Variants in HHAT observed in about 807,000 individuals in gnomAD.
HHAT encodes the protein hedgehog acyltransferase.
A neutral mutation model predicts 70.8 loss-of-function variants in HHAT; 47 were observed. That is an observed-to-expected ratio of 0.66 (90% CI 0.53 to 0.85). The LOEUF (loss-of-function observed/expected upper bound fraction) is 0.85. HHAT is among the 40% of genes least tolerant of loss of function. The probability of loss-of-function intolerance (pLI) is 0.00; values close to 1 mark genes in which losing one functional copy is unlikely to be tolerated. For synonymous variants in HHAT, 228 were observed against 247.6 expected (o/e 0.92, Z 0.74); for missense variants, 609 against 604.8 (o/e 1.01, Z -0.07).
Position 210,623,608 on chromosome 1 carries a change from A to G in HHAT, c.1328A>G (p.Asn443Ser), listed in dbSNP as rs759902169. ...SCSTSMLILSNLVFLGGNEVG... is the reference protein window; with the variant it reads ...SCSTSMLILSSLVFLGGNEVG... ...TCCACCTCGATGCTGATCCTGTCCAACCTGGTATTTCTTGGGGGCAATGAG... is the reference window on the plus strand; with the variant it reads ...TCCACCTCGATGCTGATCCTGTCCAGCCTGGTATTTCTTGGGGGCAATGAG... The change falls in exon 11 of 12, where the codon AAC becomes AGC. Residue 443 changes from asparagine (N) to serine (S), a missense_variant. Transcript: ENST00000261458. 3 of 1,613,808 alleles carry G rather than the reference A, an allele frequency of 1.9e-6. No homozygotes were observed. Among genetic ancestry groups the G allele is most frequent in the Non-Finnish European group, 1.7e-6 (2 of 1,179,934 alleles).
intron 11 of HHAT, among the ~76,000 whole-genome samples, chr1:210,641,843 T>C (rs371887725): frequency 7.9e-5 from 12 of 152,220 alleles, no homozygotes; most frequent in African/African-American, 2.9e-4. Flanking sequence ...TCGTAGGCAA[T>C]GCTGCTTCTG....
intron 3 of HHAT, among the ~76,000 whole-genome samples, chr1:210,385,153 T>C (rs1157256982): frequency 1.3e-5 from 2 of 152,028 alleles, no homozygotes; most frequent in East Asian, 1.9e-4. Flanking sequence ...AAAATTAAAC[T>C]TGGAGAAGTT....
At chr1:210,567,983 T>C (rs1655181043) in intron 9 of HHAT, among the ~76,000 whole-genome samples, 1 of 152,232 alleles carries the variant, frequency 6.6e-6, no homozygotes, top group Non-Finnish European at 1.5e-5. Context: ...TTTTTGAATG[T>C]TAAGGAGTTG....
At chr1:210,440,627 T>C (rs3765848) in intron 7 of HHAT, among the ~76,000 whole-genome samples, 6 of 151,702 alleles carry the variant, frequency 4.0e-5, no homozygotes, top group African/African-American at 1.5e-4. Flanking sequence ...TAATAGTGTT[T>C]TGTGGAATTG....
intron 8 of HHAT, among the ~76,000 whole-genome samples, chr1:210,474,524 G>A (rs1030618407): frequency 6.6e-6 from 1 of 152,168 alleles, no homozygotes; most frequent in Admixed American, 6.5e-5. Flanking sequence ...CAGCCTAAGT[G>A]CCTTTATGGT....
At chr1:210,622,119 T>C (rs1668962340) in intron 10 of HHAT, among the ~76,000 whole-genome samples, 1 of 152,222 alleles carries the variant, frequency 6.6e-6, no homozygotes, top group African/African-American at 2.4e-5. Flanking sequence ...AGCCTCTTGC[T>C]GAAGACTCGC....
At chr1:210,640,260 T>A (rs2148910217) in intron 11 of HHAT, among the ~76,000 whole-genome samples, 1 of 152,378 alleles carries the variant, frequency 6.6e-6, no homozygotes, top group South Asian at 2.1e-4. Flanking sequence ...ACAAACTAAC[T>A]TATCCAAATA....
chr1:210,400,472 G>A lies in HHAT; in HGVS notation c.278G>A (p.Arg93Lys). 3 of 1,609,560 alleles carry A rather than the reference G, an allele frequency of 1.9e-6. No homozygotes were observed. The South Asian group carries it at 3.3e-5, about 18-fold the overall frequency. ...QMATLLARKH[R>K]PWILMLYGMW... ...GATGGGCCCCACCATTTGCAGCACA[G>A]ACCCTGGATTCTCATGCTCTATGGG... Residue 93 changes from arginine to lysine, a missense_variant, in exon 5 of 12, where the codon AGA (arginine) becomes AAA (lysine). Transcript: ENST00000261458.
At chr1:210,332,630 T>C (rs535488715) in intron 1 of HHAT, among the ~76,000 whole-genome samples, 7 of 152,370 alleles carry the variant, frequency 4.6e-5, no homozygotes, top group African/African-American at 1.4e-4. Flanking sequence ...CTTCTGTTCT[T>C]TGTGCTTATG....
intron 6 of HHAT, among the ~76,000 whole-genome samples, chr1:210,414,704 A>T (rs1333773356): frequency 1.3e-5 from 2 of 152,092 alleles, no homozygotes; most frequent in Non-Finnish European, 2.9e-5. Context: ...AGATCACATT[A>T]CTTTTTCTCT....
At chr1:210,539,783 T>C (rs1351364676) in intron 9 of HHAT, among the ~76,000 whole-genome samples, 1 of 152,042 alleles carries the variant, frequency 6.6e-6, no homozygotes, top group Non-Finnish European at 1.5e-5. Flanking sequence ...CAGTGCCTTT[T>C]TTGTGCTCAC....
At chr1:210,502,103 G>A (rs536778688) in intron 8 of HHAT, among the ~76,000 whole-genome samples, 195 of 150,556 alleles carry the variant, frequency 1.3e-3, no homozygotes, top group African/African-American at 4.5e-3. Flanking sequence ...AAATCTTTCC[G>A]GCCAGGCACG....
At chr1:210,356,450 G>A (rs1398623640) in intron 2 of HHAT, among the ~76,000 whole-genome samples, 1 of 151,118 alleles carries the variant, frequency 6.6e-6, no homozygotes, top group Non-Finnish European at 1.5e-5. Context: ...ATAAACTCTA[G>A]CACCGGGGAG....
At chr1:210,456,602 G>C (rs2093874128) in intron 7 of HHAT, among the ~76,000 whole-genome samples, 1 of 152,176 alleles carries the variant, frequency 6.6e-6, no homozygotes, top group Non-Finnish European at 1.5e-5. Context: ...TGTCCCTCTT[G>C]GTCAGAGATT....
chr1:210,390,931 T>C (rs1257932641), intron 4 of HHAT, among the ~76,000 whole-genome samples: 1 of 152,272 alleles, frequency 6.6e-6, no homozygotes, highest in Non-Finnish European at 1.5e-5. Context: ...TTCATATCTT[T>C]GCAATTGCAA....
At chr1:210,524,993 T>C (rs1370624497) in intron 9 of HHAT, among the ~76,000 whole-genome samples, 1 of 151,770 alleles carries the variant, frequency 6.6e-6, no homozygotes, top group Non-Finnish European at 1.5e-5. Context: ...GGCAGCTGAG[T>C]GGAGTTGGGG....
intron 4 of HHAT, among the ~76,000 whole-genome samples, chr1:210,391,372 ATTTTT>A (rs892817305): frequency 6.6e-6 from 1 of 151,688 alleles, no homozygotes; most frequent in Non-Finnish European, 1.5e-5. Context: ...ACAGACAGAG[ATTTTT>A]TTATACAAGA....
intron 9 of HHAT, among the ~76,000 whole-genome samples, chr1:210,569,054 A>AC (rs1655466443): frequency 6.6e-6 from 1 of 151,530 alleles, no homozygotes; most frequent in African/African-American, 2.4e-5. Flanking sequence ...TGTGGGAGAA[A>AC]CCCCCCACAC....
At chr1:210,336,552 G>C (rs2085518683) in intron 1 of HHAT, among the ~76,000 whole-genome samples, 1 of 152,088 alleles carries the variant, frequency 6.6e-6, no homozygotes, top group African/African-American at 2.4e-5. Context: ...GGGAGGCTGA[G>C]GAGGGAGGAT....
Sources: gnomAD v4.1 joint callset for allele counts (sites outside exome capture counted in the v4.1 genomes callset) on GRCh38, gnomAD v4.1.1 for gene constraint, MANE v1.5 for transcripts, NCBI Gene and HGNC (gene_info 2026-07-23, HGNC 2026-07-21) for gene names.